PCDH7: variants seen among roughly 807,000 people sequenced by gnomAD.
PCDH7 encodes protocadherin 7.
Under a neutral mutation model 58.9 loss-of-function variants are expected in PCDH7, and 17 were observed. The ratio of observed to expected loss-of-function variants is 0.29; its 90% CI spans 0.20 to 0.43. The LOEUF is 0.43. Ranked by LOEUF, PCDH7 falls within the 20% of genes least tolerant of loss-of-function variation. The probability of loss-of-function intolerance (pLI) is 1.00; values close to 1 mark genes in which losing one functional copy is unlikely to be tolerated. For synonymous variants in PCDH7, 664 were observed against 616.4 expected (o/e 1.08, Z -1.14); for missense variants, 1,274 against 1,441.0 (o/e 0.88, Z 1.88).
intron 3 of PCDH7, among the ~76,000 whole-genome samples, chr4:31,102,191 CTT>C (rs74712205): frequency 6.2e-5 from 9 of 144,364 alleles, no homozygotes; most frequent in East Asian, 2.0e-4. Context: ...TATTATGATC[CTT>C]TTTTTTTTTT....
intron 3 of PCDH7, among the ~76,000 whole-genome samples, chr4:31,069,872 A>ATTTGATGATT (rs1256238099): frequency 6.6e-6 from 1 of 151,382 alleles, no homozygotes; most frequent in African/African-American, 2.4e-5. Context: ...AATTTTCTCC[A>ATTTGATGATT]CTTGATTCAT....
chr4:30,836,295 G>A (rs773800170), intron 1 of PCDH7, among the ~76,000 whole-genome samples: 49 of 152,108 alleles, frequency 3.2e-4, no homozygotes, highest in Non-Finnish European at 6.2e-4. Context: ...TAGTGACAAT[G>A]GGAATAAAAT....
intron 3 of PCDH7, among the ~76,000 whole-genome samples, chr4:31,061,563 C>G (rs1757694553): frequency 6.6e-6 from 1 of 151,390 alleles, no homozygotes; most frequent in Non-Finnish European, 1.5e-5. Flanking sequence ...AAAGAGTCTC[C>G]ATGCACTTAA....
At chr4:31,055,434 T>TA (rs1757076752) in intron 3 of PCDH7, among the ~76,000 whole-genome samples, 1 of 152,156 alleles carries the variant, frequency 6.6e-6, no homozygotes, top group African/African-American at 2.4e-5. Flanking sequence ...AATAGGTTTT[T>TA]AAAAAATCTA....
chr4:31,026,790 C>T (rs951813795), intron 3 of PCDH7, among the ~76,000 whole-genome samples: 1 of 152,164 alleles, frequency 6.6e-6, no homozygotes, highest in Admixed American at 6.5e-5. Context: ...CACACATACA[C>T]ACCTGTGGAC....
At chr4:30,970,764 G>T (rs1261627433) in intron 3 of PCDH7, among the ~76,000 whole-genome samples, 1 of 152,126 alleles carries the variant, frequency 6.6e-6, no homozygotes, top group African/African-American at 2.4e-5. Flanking sequence ...GGCAGATGAA[G>T]GATTTTGTAT....
chr4:30,875,191 C>G (rs956004283), intron 1 of PCDH7, among the ~76,000 whole-genome samples: 2 of 152,032 alleles, frequency 1.3e-5, no homozygotes, highest in African/African-American at 4.8e-5. Context: ...GGAGCTGTTC[C>G]GAACCTCTCT....
intron 3 of PCDH7, among the ~76,000 whole-genome samples, chr4:31,000,899 A>G (rs2109137299): frequency 6.6e-6 from 1 of 152,224 alleles, no homozygotes; most frequent in South Asian, 2.1e-4. Flanking sequence ...TTATGCTGTG[A>G]TGGCATATTT....
intron 3 of PCDH7, among the ~76,000 whole-genome samples, chr4:31,025,644 C>T (rs1042051121): frequency 5.9e-5 from 9 of 152,056 alleles, no homozygotes; most frequent in African/African-American, 9.7e-5. Flanking sequence ...AATCTAAAAC[C>T]TATCTTTTCA....
At chr4:31,013,105 T>C (rs1035585081) in intron 3 of PCDH7, among the ~76,000 whole-genome samples, 1 of 150,420 alleles carries the variant, frequency 6.6e-6, no homozygotes, top group Non-Finnish European at 1.5e-5. Flanking sequence ...GAGGATACTT[T>C]GAGTTCAGGA....
chr4:31,119,685 C>T (rs1449759618), intron 3 of PCDH7, among the ~76,000 whole-genome samples: 1 of 151,980 alleles, frequency 6.6e-6, no homozygotes, highest in African/African-American at 2.4e-5. Context: ...GTCTTGTGTC[C>T]TTTACCCCTG....
chr4:31,072,354 A>G (rs1475049348), intron 3 of PCDH7, among the ~76,000 whole-genome samples: 3 of 152,122 alleles, frequency 2.0e-5, no homozygotes, highest in African/African-American at 7.2e-5. Flanking sequence ...TATATGTCTC[A>G]CTTAAAGAGC....
intron 3 of PCDH7, among the ~76,000 whole-genome samples, chr4:30,989,408 CAGTAATATCGGCCACCTGT>C (rs1172256722): frequency 6.6e-6 from 1 of 152,152 alleles, no homozygotes; most frequent in Non-Finnish European, 1.5e-5. Context: ...GATGGAGCTG[CAGTAATATCGGCCACCTGT>C]AGTGTGCCTG....
At chr4:30,937,914 G>A (rs1022659923) in intron 2 of PCDH7, among the ~76,000 whole-genome samples, 1 of 151,552 alleles carries the variant, frequency 6.6e-6, no homozygotes, top group African/African-American at 2.4e-5. Flanking sequence ...AAGATGGCGT[G>A]TGTAGTTTGC....
At chr4:31,055,222 A>G (rs1331084450) in intron 3 of PCDH7, among the ~76,000 whole-genome samples, 6 of 152,200 alleles carry the variant, frequency 3.9e-5, no homozygotes, top group Non-Finnish European at 7.3e-5. Context: ...CCTCCTGCAC[A>G]GAAAAACATG....
At chr4:31,021,828 A>T (rs80277152) in intron 3 of PCDH7, among the ~76,000 whole-genome samples, 1,625 of 152,282 alleles carry the variant, frequency 0.011, 18 homozygotes, top group South Asian at 0.024. Flanking sequence ...TTGGATGAGC[A>T]TCTAGTGAGT....
intron 1 of PCDH7, among the ~76,000 whole-genome samples, chr4:30,742,837 C>G (rs1717261091): frequency 6.6e-6 from 1 of 152,158 alleles, no homozygotes; most frequent in Non-Finnish European, 1.5e-5. Flanking sequence ...GCAGAAAGAT[C>G]CTCACATCTA....
chr4:30,723,742 G>A lies in PCDH7; in HGVS notation c.2320G>A (p.Gly774Ser), dbSNP rs1560299324. The change falls in exon 1 of 2, where the codon GGC (glycine) becomes AGC (serine). Residue 774 changes from glycine to serine, a missense_variant. Around this residue, in one of 3 missense-constraint regions of PCDH7, gnomAD observed 731 missense variants for 881.9 expected, o/e 0.83. Transcript: ENST00000361762. The surrounding 1 kb of genome is among the most constrained non-coding windows in gnomAD (Gnocchi z 4.6). ...AGTGTTGGCAACAGACAGTGATGAT[G>A]GCATCAATGCAGACCTGAACTACAG... The A allele has an allele frequency of 6.2e-7, 1 of 1,614,174 alleles. No homozygotes were observed. Among genetic ancestry groups the A allele is most frequent in the South Asian group, 1.1e-5 (1 of 91,086 alleles).
chr4:30,959,246 C>CTT (rs35379459), intron 3 of PCDH7, among the ~76,000 whole-genome samples: 6 of 143,944 alleles, frequency 4.2e-5, no homozygotes, highest in African/African-American at 7.7e-5. Context: ...ATTGGAAAGT[C>CTT]TTTTTTTTTT....
Sources: allele counts gnomAD v4.1 joint callset (sites outside exome capture counted in the v4.1 genomes callset), GRCh38; gene constraint gnomAD v4.1.1; regional missense constraint gnomAD v4.1.1; non-coding constraint Gnocchi (gnomAD v3.1); transcripts MANE v1.5; gene names NCBI Gene and HGNC (gene_info 2026-07-23, HGNC 2026-07-21).